The following MEN1 variants were observed in gnomAD, a reference collection of about 807,000 sequenced individuals.
MEN1 encodes the protein menin 1, also known as menin.
In MEN1, 6 loss-of-function variants were observed where a neutral mutation model predicts 58.0. The ratio of observed to expected loss-of-function variants is 0.10; its 90% CI spans 0.06 to 0.20. The LOEUF is 0.20. MEN1 is among the 10% of genes least tolerant of loss of function. The pLI, the probability that MEN1 is intolerant of heterozygous loss-of-function variation, is 1.00. For missense variants in MEN1, 492 were observed against 818.5 expected (o/e 0.60, Z 4.87); for synonymous variants, 346 against 350.7 (o/e 0.99, Z 0.15).
At chr11:64,805,904 C>G (rs969841757) in intron 7 of MEN1, 134 bp from the exon 8 acceptor site, 47 of 914,600 alleles carry the variant, frequency 5.1e-5, no homozygotes, top group Non-Finnish European at 7.5e-5. Context: ...ATGATGCTGT[C>G]TGGGTCAGCC....
chr11:64,810,159 G>GT, intron 1 of MEN1, 27 bp from the exon 2 acceptor site: 7 of 1,001,664 alleles, frequency 7.0e-6, no homozygotes, highest in South Asian at 3.0e-5. Flanking sequence ...GGGAGGGAGG[G>GT]TCGGGCAGGT....
rs1206267959 is a variant in MEN1, at chr11:64,803,783, CGAA to C, written c.*548_*550del. On this transcript the variant is annotated 3_prime_UTR_variant, in exon 10 of 10. Transcript: ENST00000450708. Reference sequence around the variant, plus strand: ...AGTTTTGTGTCCCAGACTCGGGATACGAAGGAGAGGAAACTAGGATTTCCAAAT... The same window carrying C: ...AGTTTTGTGTCCCAGACTCGGGATACGGAGAGGAAACTAGGATTTCCAAAT... The C allele has an allele frequency of 4.1e-6, 1 of 242,442 alleles. No individual in the cohort carries two copies. The highest frequency in any genetic ancestry group is 8.2e-6 in the Non-Finnish European group (1 of 122,662). The allele number at this position is 242,442 out of a possible 1,614,324, so 15.0% of individuals were successfully genotyped here.
intron 7 of MEN1, chr11:64,806,013 T>G (rs1941696427): frequency 1.5e-6 from 1 of 664,224 alleles, no homozygotes; most frequent in African/African-American, 1.8e-5. Flanking sequence ...TTGAGACTGT[T>G]CTGAGAAAAA....
At position 64,807,760 on chromosome 11, in the gene MEN1, G is replaced by A. The variant is rs1002119318; in HGVS notation, c.655-80C>T. The A allele has an allele frequency of 1.7e-5, 28 of 1,610,712 alleles. No individual in the cohort carries two copies. The African/African-American group carries it at 3.2e-4, about 18-fold the overall frequency. ...CAGGGAATGACAGCCAGGAAAAGGG[G>A]CTCTTCTGTCTTCCCTTCCTATGTG... On this transcript the variant is annotated intron_variant, in intron 3 of 9. Coordinates refer to ENST00000450708, the MANE Select transcript of MEN1 (RefSeq NM_001370259.2). The surrounding 1 kb of genome is among the most constrained non-coding windows in gnomAD (Gnocchi z 4.9).
rs1213891703 is a variant in MEN1, at chr11:64,807,054, T to G, written c.869A>C (p.Glu290Ala). Residue 290 changes from glutamate to alanine, a missense_variant, in exon 6 of 10, where the codon GAG (glutamate) becomes GCG (alanine). Around this residue, in one of 5 missense-constraint regions of MEN1, gnomAD observed 335 missense variants for 550.3 expected, o/e 0.61. Coordinates refer to ENST00000450708, the MANE Select transcript of MEN1 (RefSeq NM_001370259.2). The surrounding 1 kb of genome is among the most constrained non-coding windows in gnomAD (Gnocchi z 4.9). ...TGGGTCTGGCCGGCCAGGGGTGGGCTCCAGCTCCTCTAGATCTGCCAGGTT... is the reference window on the plus strand; with the variant it reads ...TGGGTCTGGCCGGCCAGGGGTGGGCGCCAGCTCCTCTAGATCTGCCAGGTT... Reference protein sequence around the residue: ...LGNLADLEELEPTPGRPDPLT... With the variant: ...LGNLADLEELAPTPGRPDPLT... 1 of 1,613,738 alleles carries G rather than the reference T, an allele frequency of 6.2e-7. No homozygotes were observed. Among genetic ancestry groups the G allele is most frequent in the Non-Finnish European group, 8.5e-7 (1 of 1,180,020 alleles).
rs1555166669 is a variant in MEN1, at chr11:64,809,957, G to A, written c.153C>T (p.Asn51=). 1.3e-6 allele frequency: 2 copies of A among 1,586,428 alleles called. No individual in the cohort carries two copies. The highest frequency in any genetic ancestry group is 1.7e-4 in the Middle Eastern group (1 of 6,032). ...LGFVEHFLAV[N]RVIPTNVPEL... ...CGGGAACGTTGGTAGGGATGACGCG[G>A]TTGACAGCCAGAAAATGCTCCACGA... Residue 51 remains asparagine (N), a synonymous_variant, in exon 2 of 10, where the codon AAC becomes AAT. Transcript: ENST00000450708.
intron 6 of MEN1, 54 bp downstream of exon 6, chr11:64,806,957 C>A (rs751009617): frequency 4.0e-5 from 62 of 1,546,050 alleles, no homozygotes; most frequent in Non-Finnish European, 5.3e-5. Flanking sequence ...ATGAGGGCCC[C>A]TGCCTCAGCC....
At chr11:64,809,536 C>T in intron 2 of MEN1, 129 bp downstream of exon 2, 1 of 1,201,150 alleles carries the variant, frequency 8.3e-7, no homozygotes, top group Non-Finnish European at 1.2e-6. Context: ...TTCAGTTTCC[C>T]AACTGCAAAG....
In MEN1 at chr11:64,806,227, C is replaced by T. The variant is rs2136117622; in HGVS notation, c.1049+5G>A. On this transcript the variant is annotated splice_donor_5th_base_variant and intron_variant, in intron 7 of 9. Coordinates refer to ENST00000450708, the MANE Select transcript of MEN1 (RefSeq NM_001370259.2). The stretch of plus-strand genomic sequence containing the variant: ...GGCTGCAGGCCCTAGTAGGGGGATC[C>T]TCACTCCTGGATGACAGTGGCCGTG... 6.2e-7 allele frequency: 1 copy of T among 1,614,130 alleles called. No homozygotes were observed. The highest frequency in any genetic ancestry group is 8.5e-7 in the Non-Finnish European group (1 of 1,179,998).
rs1592635415 is a variant in MEN1, at chr11:64,804,925, G to A, written c.1350+109C>T. On this transcript the variant is annotated intron_variant, in intron 9 of 9. Coordinates refer to ENST00000450708, the MANE Select transcript of MEN1 (RefSeq NM_001370259.2). This position sits in a 1 kb window ranked among gnomAD's most constrained non-coding sequence, Gnocchi z 4.2. The stretch of plus-strand genomic sequence containing the variant: ...CCACCCAGGGGGTCTCAGTCCCATC[G>A]GCACCCAAGGGGATGGGCAGATGCT... 6.9e-6 allele frequency: 11 copies of A among 1,597,308 alleles called. 1 individual carries two copies. Among genetic ancestry groups the A allele is most frequent in the East Asian group, 2.2e-5 (1 of 44,888 alleles).
chr11:64,805,954 C>G (rs918561659), intron 7 of MEN1, 184 bp from the exon 8 acceptor site: 1 of 691,900 alleles, frequency 1.4e-6, no homozygotes, highest in South Asian at 1.7e-5. Flanking sequence ...GGCATGGGGC[C>G]GAGGGTGGAA....
rs1235900915 is a variant in MEN1 at position 64,809,917 on chromosome 11, G to C, written c.193C>G (p.Pro65Ala). ...PTNVPELTFQ[P>A]SPAPDPPGGL... The stretch of plus-strand genomic sequence containing the variant: ...CCAGGCGGGTCGGGGGCGGGGCTGG[G>C]CTGGAAGGTGAGCTCGGGAACGTTG... Residue 65 changes from proline to alanine, a missense_variant, in exon 2 of 10, where the codon CCC becomes GCC. Coordinates refer to ENST00000450708, the MANE Select transcript of MEN1 (RefSeq NM_001370259.2). 1 of 1,586,442 alleles carries C rather than the reference G, an allele frequency of 6.3e-7. No individual in the cohort carries two copies. The highest frequency in any genetic ancestry group is 1.3e-5 in the African/African-American group (1 of 74,158).
In MEN1 at chr11:64,805,682, C is replaced by T. The variant is rs1225964479; in HGVS notation, c.1138G>A (p.Ala380Thr). The T allele has an allele frequency of 2.5e-6, 4 of 1,614,200 alleles. No homozygotes were observed. In the Admixed American group the frequency reaches 6.7e-5, roughly 27 times the overall value. ...DVIPNLLKEA[A>T]SLLEAGEERP... ...TCCTCGCCCGCCTCCAGCAAGCTGG[C>T]TGCCTCCTTCAGCAGGTTGGGGATG... Residue 380 changes from alanine to threonine, a missense_variant, in exon 8 of 10, where the codon GCC becomes ACC. By Grantham distance (58) the Ala-to-Thr change is moderately conservative (BLOSUM62 0). Transcript: ENST00000450708.
Position 64,806,309 on chromosome 11 carries a change from C to G in MEN1, c.972G>C (p.Leu324=), listed in dbSNP as rs1592643568. 1 of 1,614,218 alleles carries G rather than the reference C, an allele frequency of 6.2e-7. No homozygotes were observed. Among genetic ancestry groups the G allele is most frequent in the Non-Finnish European group, 8.5e-7 (1 of 1,180,010 alleles). The change falls in exon 7 of 10, where the codon CTG becomes CTC. Residue 324 remains leucine, a synonymous_variant. Transcript: ENST00000450708. The part of the protein sequence containing the change: ...RDEHIYPYMY[L]AGYHCRNRNV... Reference sequence around the variant, plus strand: ...TGCGGTTGCGACAGTGGTAGCCAGCCAGGTACATGTAGGGGTAGATGTGTT... The same window carrying G: ...TGCGGTTGCGACAGTGGTAGCCAGCGAGGTACATGTAGGGGTAGATGTGTT...
upstream of MEN1, chr11:64,810,699 T>A (rs901910728): frequency 6.5e-6 from 1 of 152,896 alleles, no homozygotes; most frequent in African/African-American, 2.4e-5. Context: ...GATCTCTAGG[T>A]CCGCGGCTCC....
At position 64,807,581 on chromosome 11, in the gene MEN1, C is replaced by A. The variant is rs770368608; in HGVS notation, c.754G>T (p.Asp252Tyr). ...TGCAGCTGCAGAAGCTCCAGCGAGT[C>A]GGTGTGCAGGTCAATGGAAGGGTTG... ...AINPSIDLHTDSLELLQLQQK... is the reference protein window; with the variant it reads ...AINPSIDLHTYSLELLQLQQK... Residue 252 changes from aspartate (D) to tyrosine (Y), a missense_variant, in exon 4 of 10, where the codon GAC becomes TAC. By Grantham distance (160) the Asp-to-Tyr change is radical (BLOSUM62 -3). Coordinates refer to ENST00000450708, the MANE Select transcript of MEN1 (RefSeq NM_001370259.2). The surrounding 1 kb of genome is among the most constrained non-coding windows in gnomAD (Gnocchi z 4.9). 9 of 1,614,050 alleles carry A rather than the reference C, an allele frequency of 5.6e-6. No homozygotes were observed. In the African/African-American group the frequency reaches 1.1e-4, roughly 19 times the overall value.
chr11:64,809,530 G>T, intron 2 of MEN1, 135 bp downstream of exon 2: 1 of 1,147,036 alleles, frequency 8.7e-7, no homozygotes, highest in Non-Finnish European at 1.3e-6. Context: ...CTGGGCTTCA[G>T]TTTCCCAACT....
At chr11:64,806,796 G>T (rs948774446) in intron 6 of MEN1, among the ~76,000 whole-genome samples, 1 of 152,112 alleles carries the variant, frequency 6.6e-6, no homozygotes, top group Non-Finnish European at 1.5e-5. Flanking sequence ...GGGCTGAGGG[G>T]ACAAATGCAG....
In MEN1 at chr11:64,808,109, G is replaced by T. The variant is rs1442401628; in HGVS notation, c.446-10C>A. The T allele has an allele frequency of 6.2e-7, 1 of 1,601,954 alleles. No individual in the cohort carries two copies. The highest frequency in any genetic ancestry group is 8.5e-7 in the Non-Finnish European group (1 of 1,174,802). ...CTGTCCAATTTGGTGCCTGTGGAAG[G>T]GGGAGGTAATGAAAGAGGGTCCTCT... On this transcript the variant is annotated splice_polypyrimidine_tract_variant and intron_variant, in intron 2 of 9. Coordinates refer to ENST00000450708, the MANE Select transcript of MEN1 (RefSeq NM_001370259.2).
Sources: allele counts gnomAD v4.1 joint callset (sites outside exome capture counted in the v4.1 genomes callset), GRCh38; gene constraint gnomAD v4.1.1; regional missense constraint gnomAD v4.1.1; non-coding constraint Gnocchi (gnomAD v3.1); transcripts MANE v1.5; gene names NCBI Gene and HGNC (gene_info 2026-07-23, HGNC 2026-07-21).